WBP1L: variants seen among roughly 807,000 people sequenced by gnomAD.
WBP1L encodes the protein WW domain binding protein 1 like.
A neutral mutation model predicts 33.7 loss-of-function variants in WBP1L; 17 were observed. That is an observed-to-expected ratio of 0.50 (90% CI 0.34 to 0.76). The LOEUF (loss-of-function observed/expected upper bound fraction) is 0.76, where lower values mean the gene tolerates loss of function less well. Ranked by LOEUF, WBP1L falls within the 30% of genes least tolerant of loss-of-function variation. The pLI is 0.01. For missense variants in WBP1L, 389 were observed against 469.4 expected, an observed-to-expected ratio of 0.83 and a Z score of 1.58; for synonymous variants, 173 against 190.8, an observed-to-expected ratio of 0.91 and a Z score of 0.77.
intron 2 of WBP1L, among the ~76,000 whole-genome samples, chr10:102,806,414 G>A (rs1843736560): frequency 6.6e-6 from 1 of 152,162 alleles, no homozygotes; most frequent in South Asian, 2.1e-4. Context: ...ACAACCCTAG[G>A]AGATGTTATC....
At chr10:102,810,131 G>A in intron 3 of WBP1L, 77 bp downstream of exon 3, 9 of 1,524,824 alleles carry the variant, frequency 5.9e-6, no homozygotes, top group Non-Finnish European at 7.9e-6. Flanking sequence ...GAATATTGGT[G>A]GCCAGGCTCC....
At chr10:102,768,031 A>G (rs1254745991) in intron 1 of WBP1L, among the ~76,000 whole-genome samples, 1 of 151,824 alleles carries the variant, frequency 6.6e-6, no homozygotes, top group Non-Finnish European at 1.5e-5. Flanking sequence ...ATCCACTGAA[A>G]CCCTACGTAT....
chr10:102,772,608 C>G (rs571742456), intron 1 of WBP1L, among the ~76,000 whole-genome samples: 2 of 110,724 alleles, frequency 1.8e-5, no homozygotes, highest in African/African-American at 7.2e-5. Flanking sequence ...CTCGTTCTGT[C>G]GCTCAGGCTG....
chr10:102,788,142 T>C (rs1843444609), intron 1 of WBP1L, among the ~76,000 whole-genome samples: 1 of 146,336 alleles, frequency 6.8e-6, no homozygotes, highest in South Asian at 2.1e-4. Flanking sequence ...TTTCTTTTTT[T>C]TTTTTTGAGA....
intron 2 of WBP1L, among the ~76,000 whole-genome samples, chr10:102,804,625 C>A (rs1054557062): frequency 1.3e-5 from 2 of 152,154 alleles, no homozygotes; most frequent in African/African-American, 4.8e-5. Flanking sequence ...ATTCCTCACT[C>A]ACACTGTGTG....
At chr10:102,760,266 G>A (rs1430901047) in intron 1 of WBP1L, among the ~76,000 whole-genome samples, 1 of 151,998 alleles carries the variant, frequency 6.6e-6, no homozygotes, top group African/African-American at 2.4e-5. Flanking sequence ...AACTGGGCTC[G>A]GTCAGGGCTC....
At chr10:102,744,539 T>A (rs377766545) in intron 1 of WBP1L, 1 of 958,864 alleles carries the variant, frequency 1.0e-6, no homozygotes, top group African/African-American at 1.8e-5. Context: ...TGAGTTGGCC[T>A]GTGAGGGAGG....
intron 2 of WBP1L, among the ~76,000 whole-genome samples, chr10:102,800,622 G>A (rs940433866): frequency 2.6e-5 from 4 of 152,218 alleles, no homozygotes; most frequent in African/African-American, 7.2e-5. Context: ...TGTTTTCCAC[G>A]TTCTGGAGGC....
chr10:102,768,791 C>T (rs1843146993), intron 1 of WBP1L, among the ~76,000 whole-genome samples: 1 of 150,710 alleles, frequency 6.6e-6, no homozygotes, highest in Admixed American at 6.6e-5. Flanking sequence ...GGGTTCATGC[C>T]ATTCTCCTGC....
chr10:102,804,409 CT>C (rs1275952111), intron 2 of WBP1L, among the ~76,000 whole-genome samples: 6 of 125,338 alleles, frequency 4.8e-5, no homozygotes, highest in Non-Finnish European at 7.1e-5. Context: ...AAAAAAAGCC[CT>C]TTTTTTTTTA....
At chr10:102,746,515 T>G (rs1842865709) in intron 1 of WBP1L, among the ~76,000 whole-genome samples, 1 of 152,180 alleles carries the variant, frequency 6.6e-6, no homozygotes, top group African/African-American at 2.4e-5. Flanking sequence ...GTGAGATTTC[T>G]GTTTTGAATT....
intron 3 of WBP1L, among the ~76,000 whole-genome samples, chr10:102,811,894 GTTATA>G (rs765026665): frequency 4.6e-5 from 7 of 152,170 alleles, no homozygotes; most frequent in Non-Finnish European, 7.3e-5. Flanking sequence ...TGTTAGTAAT[GTTATA>G]TTATAATTAA....
In WBP1L at chr10:102,812,583, TC is replaced by T; in HGVS notation, c.356-8del. Reference sequence around the variant, plus strand: ...AGTGCAGTAATTTCTCCTTCCTACCTCCCCATTTTAGGGTTTTTGCCAAACT... The same window carrying T: ...AGTGCAGTAATTTCTCCTTCCTACCTCCCATTTTAGGGTTTTTGCCAAACT... On this transcript the variant is annotated splice_polypyrimidine_tract_variant and intron_variant, in intron 3 of 3. Coordinates refer to ENST00000448841, the MANE Select transcript of WBP1L (RefSeq NM_001083913.2). 1 of 1,556,918 alleles carries T rather than the reference TC, an allele frequency of 6.4e-7. No individual in the cohort carries two copies. The highest frequency in any genetic ancestry group is 8.7e-7 in the Non-Finnish European group (1 of 1,148,430).
intron 1 of WBP1L, among the ~76,000 whole-genome samples, chr10:102,796,848 G>C (rs1354551384): frequency 6.6e-6 from 1 of 152,216 alleles, no homozygotes; most frequent in African/African-American, 2.4e-5. Context: ...GTGGCCCCAA[G>C]TACATTTTGG....
At position 102,815,448 on chromosome 10, in the gene WBP1L, A is replaced by C. The variant is rs1246588799; in HGVS notation, c.*2117A>C. 1 of 152,468 alleles carries C rather than the reference A, an allele frequency of 6.6e-6. No individual in the cohort carries two copies. The highest frequency in any genetic ancestry group is 1.5e-5 in the Non-Finnish European group (1 of 68,058). 9.4% of individuals were successfully genotyped at this position (152,468 alleles called of 1,614,324 possible). On this transcript the variant is annotated 3_prime_UTR_variant, in exon 4 of 4. Coordinates refer to ENST00000448841, the MANE Select transcript of WBP1L (RefSeq NM_001083913.2). ...AGAAGAAGGTGGAATTTCAGACAGA[A>C]GCTTGACTGGGTCTTCAATGACAGG...
intron 1 of WBP1L, among the ~76,000 whole-genome samples, chr10:102,754,868 C>G (rs902315923): frequency 2.0e-5 from 3 of 147,812 alleles, no homozygotes; most frequent in Non-Finnish European, 4.5e-5. Context: ...CAGTGTCCAG[C>G]TAATTTTGTT....
rs1211362355 is a variant in WBP1L, at chr10:102,784,494, T to C, written c.91-13499T>C. On this transcript the variant is annotated intron_variant, in intron 1 of 3. Transcript: ENST00000448841. ...AGGCTGGAGTGCAGTGGCACAATCT[T>C]GGCTCACTGCAAGCTCTGCCTCCTG... is the stretch of plus-strand genomic sequence containing the variant. 8.5e-4 allele frequency among the ~76,000 whole-genome samples: 127 copies of C among 149,878 alleles called. 1 individual carries two copies. Among genetic ancestry groups the C allele is most frequent in the South Asian group, 4.7e-3 (22 of 4,714 alleles).
At chr10:102,750,061 C>T (rs58706228) in intron 1 of WBP1L, among the ~76,000 whole-genome samples, 115,643 of 151,330 alleles carry the variant, frequency 0.76, 44,363 homozygotes, top group Non-Finnish European at 0.77. Context: ...GGATTACAGG[C>T]GTTAGCGACC....
intron 3 of WBP1L, among the ~76,000 whole-genome samples, chr10:102,811,243 A>G (rs749210058): frequency 1.4e-4 from 21 of 152,082 alleles, no homozygotes; most frequent in Non-Finnish European, 2.8e-4. Flanking sequence ...CTTGGGGTTC[A>G]TTGGCCTGAA....
Sources: gnomAD v4.1 joint callset for allele counts (sites outside exome capture counted in the v4.1 genomes callset) on GRCh38, gnomAD v4.1.1 for gene constraint, MANE v1.5 for transcripts, NCBI Gene and HGNC (gene_info 2026-07-23, HGNC 2026-07-21) for gene names.